The following CCDC141 variants were observed in gnomAD, a reference collection of about 807,000 sequenced individuals.
CCDC141 encodes the protein coiled-coil domain containing 141.
In CCDC141, 168 loss-of-function variants were observed where a neutral mutation model predicts 181.0. The ratio of observed to expected loss-of-function variants is 0.93; its 90% CI spans 0.82 to 1.05. The LOEUF (loss-of-function observed/expected upper bound fraction) is 1.05. Among genes scored for constraint, CCDC141 ranks in the 50% least tolerant of loss-of-function variants. The probability of loss-of-function intolerance (pLI) is 0.00; values close to 1 mark genes in which losing one functional copy is unlikely to be tolerated. For synonymous variants in CCDC141, 666 were observed against 642.3 expected (o/e 1.04, Z -0.56); for missense variants, 1,902 against 1,788.5 (o/e 1.06, Z -1.14).
At chr2:178,980,090 TAA>T (rs1370940537) in intron 2 of CCDC141, among the ~76,000 whole-genome samples, 1 of 152,202 alleles carries the variant, frequency 6.6e-6, no homozygotes, top group Non-Finnish European at 1.5e-5. Flanking sequence ...ACTGATTTTT[TAA>T]GTTTTGATTA....
rs1399861304 is a variant in CCDC141 at position 178,960,034 on chromosome 2, T to C, written c.780+1196A>G. Among the ~76,000 whole-genome samples the C allele has an allele frequency of 2.0e-5, 3 of 152,196 alleles. No individual in the cohort carries two copies. The East Asian group carries it at 5.8e-4, about 29-fold the overall frequency. On this transcript the variant is annotated intron_variant, in intron 5 of 23. Coordinates refer to ENST00000443758, the MANE Select transcript of CCDC141 (RefSeq NM_173648.4). The stretch of plus-strand genomic sequence containing the variant: ...TGGCAATGTCTAGAGACAGTTTTGG[T>C]TTCTCACAACTGGGGATGTTATACT...
intron 6 of CCDC141, among the ~76,000 whole-genome samples, chr2:178,923,531 C>G (rs1006338829): frequency 3.9e-5 from 6 of 152,218 alleles, no homozygotes; most frequent in Admixed American, 3.3e-4. Flanking sequence ...TCTGTTTTCT[C>G]TAAGCCGTTG....
At chr2:178,828,269 A>C (rs1195930785), downstream of CCDC141, among the ~76,000 whole-genome samples, 1 of 152,176 alleles carries the variant, frequency 6.6e-6, no homozygotes, top group Non-Finnish European at 1.5e-5. Context: ...GAGAAGCTGA[A>C]AGCCAAAGCT....
chr2:178,956,456 C>T (rs1367473183), intron 5 of CCDC141, among the ~76,000 whole-genome samples: 1 of 152,092 alleles, frequency 6.6e-6, no homozygotes, highest in East Asian at 1.9e-4. Context: ...GGCACCATGC[C>T]TGGCTAATTT....
chr2:178,871,081 C>A (rs1221075977), intron 14 of CCDC141, among the ~76,000 whole-genome samples: 3 of 152,050 alleles, frequency 2.0e-5, no homozygotes. Context: ...CATCCTTGTT[C>A]TGAGATGTCT....
rs377652777 is a variant in CCDC141 at position 178,837,583 on chromosome 2, A to G, written c.3636T>C (p.Asp1212=). 4.3e-6 allele frequency: 7 copies of G among 1,613,856 alleles called. No individual in the cohort carries two copies. The African/African-American group carries it at 6.7e-5, about 15-fold the overall frequency. ...SGEEYECVSP[D]DISLPPLPGS... ...CTGGGAGAGGAGGCAAGGAGATGTC[A>G]TCAGGTGAGACACACTCATATTCTT... is the stretch of plus-strand genomic sequence containing the variant. The change falls in exon 23 of 24, where the codon GAT becomes GAC. Residue 1212 remains aspartate (D), a synonymous_variant. Transcript: ENST00000443758.
intron 5 of CCDC141, among the ~76,000 whole-genome samples, chr2:178,951,040 T>G (rs1296570823): frequency 1.3e-5 from 2 of 152,196 alleles, no homozygotes; most frequent in Admixed American, 1.3e-4. Context: ...TTTAGTCCAG[T>G]GGACAAAATC....
rs542395758 is a variant in CCDC141 at position 178,910,496 on chromosome 2, A to C, written c.1093-4995T>G. Among the ~76,000 whole-genome samples the C allele has an allele frequency of 5.9e-5, 9 of 152,294 alleles. No individual in the cohort carries two copies. In the South Asian group the frequency reaches 6.2e-4, roughly 11 times the overall value. ...GCTTCTAATTAGAGCACCAGATTCC[A>C]TTACCTGTAGAGATTCAGATTTCCC... On this transcript the variant is annotated intron_variant, in intron 7 of 23. Coordinates refer to ENST00000443758, the MANE Select transcript of CCDC141 (RefSeq NM_173648.4).
intron 5 of CCDC141, among the ~76,000 whole-genome samples, chr2:178,945,408 C>A (rs1020377220): frequency 2.0e-5 from 3 of 152,128 alleles, no homozygotes; most frequent in African/African-American, 7.2e-5. Flanking sequence ...TGGGCATCAT[C>A]TCTATTTCTC....
chr2:178,982,588 G>C (rs1255151923), intron 2 of CCDC141, among the ~76,000 whole-genome samples: 2 of 152,218 alleles, frequency 1.3e-5, no homozygotes, highest in African/African-American at 4.8e-5. Flanking sequence ...CAGACAGGGG[G>C]CGCAGGTCAG....
intron 16 of CCDC141, among the ~76,000 whole-genome samples, chr2:178,867,173 C>T (rs1054177677): frequency 1.3e-5 from 2 of 152,170 alleles, no homozygotes; most frequent in African/African-American, 4.8e-5. Context: ...CCATTCTGGG[C>T]TTTTATGGGT....
At chr2:179,013,799 C>A (rs1487612792) in intron 2 of CCDC141, among the ~76,000 whole-genome samples, 1 of 151,432 alleles carries the variant, frequency 6.6e-6, no homozygotes. Flanking sequence ...AACCCCATCT[C>A]TACTAAAAAT....
intron 11 of CCDC141, 106 bp from the exon 12 acceptor site, chr2:178,878,249 T>A: frequency 4.3e-6 from 2 of 467,250 alleles, no homozygotes; most frequent in Non-Finnish European, 7.2e-6. Flanking sequence ...CTACATTTTC[T>A]GAATTTTTAA....
chr2:178,865,953 C>T (rs771848218), intron 16 of CCDC141, 37 bp from the exon 17 acceptor site: 25 of 1,396,798 alleles, frequency 1.8e-5, no homozygotes, highest in East Asian at 5.4e-5. Context: ...AGAGAAAGGA[C>T]GAAACAGCAA....
intron 22 of CCDC141, 27 bp downstream of exon 22, chr2:178,845,599 T>C: frequency 1.6e-6 from 2 of 1,250,842 alleles, no homozygotes; most frequent in Non-Finnish European, 2.4e-6. Context: ...AAGTCCTCAA[T>C]AGCTGAGGTT....
At chr2:178,826,163 T>C (rs1684122060), downstream of CCDC141, among the ~76,000 whole-genome samples, 4 of 152,188 alleles carry the variant, frequency 2.6e-5, no homozygotes. Context: ...TTGTCAAATG[T>C]TATTTCTGCA....
chr2:178,942,178 C>T (rs2154376998), intron 6 of CCDC141, among the ~76,000 whole-genome samples: 2 of 152,136 alleles, frequency 1.3e-5, no homozygotes, highest in Middle Eastern at 6.8e-3. Flanking sequence ...TTGTCTGGAA[C>T]CTCCCAGGCT....
chr2:178,842,881 GA>G (rs932870257), intron 22 of CCDC141, among the ~76,000 whole-genome samples: 1 of 152,146 alleles, frequency 6.6e-6, no homozygotes, highest in African/African-American at 2.4e-5. Flanking sequence ...AGGTGGTGAA[GA>G]AGAACACTAA....
At chr2:178,958,770 G>A (rs564128529) in intron 5 of CCDC141, among the ~76,000 whole-genome samples, 2 of 151,970 alleles carry the variant, frequency 1.3e-5, no homozygotes, top group African/African-American at 4.8e-5. Flanking sequence ...CTATAGTCAT[G>A]GGGCAGAAAG....
Sources: gnomAD v4.1 joint callset for allele counts (sites outside exome capture counted in the v4.1 genomes callset) on GRCh38, gnomAD v4.1.1 for gene constraint, MANE v1.5 for transcripts, NCBI Gene and HGNC (gene_info 2026-07-23, HGNC 2026-07-21) for gene names.